The following ABCD2 variants were observed in gnomAD, a reference collection of about 807,000 sequenced individuals.
The protein encoded by ABCD2 is ATP-binding cassette sub-family D member 2.
Under a neutral mutation model 70.9 loss-of-function variants are expected in ABCD2, and 36 were observed. That is an observed-to-expected ratio of 0.51 (90% CI 0.39 to 0.67). The LOEUF (loss-of-function observed/expected upper bound fraction) is 0.67. Ranked by LOEUF, ABCD2 falls within the 30% of genes least tolerant of loss-of-function variation. ABCD2 has a pLI of 0.00. For synonymous variants in ABCD2, 304 were observed against 306.9 expected (o/e 0.99, Z 0.10); for missense variants, 729 against 890.2 (o/e 0.82, Z 2.30).
rs1351514789 is a variant in ABCD2, at chr12:39,552,122, A to G, written c.*1790T>C. On this transcript the variant is annotated 3_prime_UTR_variant, in exon 10 of 10. Transcript: ENST00000308666. ...TTAGTAACTGATGAATAAGTAGGTG[A>G]TAATACTAATGAAAACGTTGGACAA... The G allele has an allele frequency of 1.3e-5, 2 of 151,972 alleles. No individual in the cohort carries two copies. Among genetic ancestry groups the G allele is most frequent in the African/African-American group, 4.8e-5 (2 of 41,434 alleles). The allele number at this position is 151,972 out of a possible 1,614,324, so 9.4% of individuals were successfully genotyped here. A position where few individuals can be genotyped will look rare whatever the true frequency, so the allele number is the denominator to read the frequency against.
intron 6 of ABCD2, among the ~76,000 whole-genome samples, chr12:39,595,034 C>T (rs1371411214): frequency 6.6e-6 from 1 of 151,354 alleles, no homozygotes; most frequent in Non-Finnish European, 1.5e-5. Flanking sequence ...CCACTGCACT[C>T]CAGCCTGGGT....
At chr12:39,557,338 T>G (rs182224047) in intron 9 of ABCD2, among the ~76,000 whole-genome samples, 22 of 152,284 alleles carry the variant, frequency 1.4e-4, no homozygotes, top group Non-Finnish European at 2.2e-4. Flanking sequence ...GCAAAGCATT[T>G]AAGATGTAAT....
intron 9 of ABCD2, among the ~76,000 whole-genome samples, chr12:39,557,108 G>T (rs991496282): frequency 9.9e-5 from 15 of 152,160 alleles, no homozygotes; most frequent in Middle Eastern, 3.2e-3. Flanking sequence ...ATTTCCTAGG[G>T]ACTTATTGAA....
At chr12:39,612,790 CA>C (rs1942062463) in intron 2 of ABCD2, among the ~76,000 whole-genome samples, 1 of 152,276 alleles carries the variant, frequency 6.6e-6, no homozygotes, top group Admixed American at 6.5e-5. Context: ...GACAATAATG[CA>C]GCAGAAACTG....
At chr12:39,549,329 A>G (rs1941057330), downstream of ABCD2, among the ~76,000 whole-genome samples, 1 of 151,986 alleles carries the variant, frequency 6.6e-6, no homozygotes, top group Non-Finnish European at 1.5e-5. Context: ...AGAAGATACT[A>G]CAAAACAAGT....
chr12:39,586,091 T>C, intron 7 of ABCD2, 61 bp downstream of exon 7: 1 of 1,461,982 alleles, frequency 6.8e-7, no homozygotes, highest in East Asian at 2.3e-5. Flanking sequence ...ACTAAATATA[T>C]ACCCAAGCTT....
intron 7 of ABCD2, among the ~76,000 whole-genome samples, chr12:39,585,859 C>A (rs577503252): frequency 3.5e-4 from 53 of 152,224 alleles, no homozygotes; most frequent in Middle Eastern, 3.4e-3. Context: ...TACATCTAGA[C>A]TGACAATGGC....
intron 9 of ABCD2, among the ~76,000 whole-genome samples, chr12:39,564,367 C>A (rs147611529): frequency 6.6e-6 from 1 of 152,290 alleles, no homozygotes; most frequent in African/African-American, 2.4e-5. Context: ...ATTTGCATTG[C>A]TCTGATGGCC....
intron 9 of ABCD2, among the ~76,000 whole-genome samples, chr12:39,561,121 T>A (rs1276322943): frequency 6.6e-6 from 1 of 151,972 alleles, no homozygotes; most frequent in Non-Finnish European, 1.5e-5. Context: ...CTGGGCCAGG[T>A]GCAGTGGCTC....
At chr12:39,560,166 C>A (rs1941233893) in intron 9 of ABCD2, among the ~76,000 whole-genome samples, 1 of 152,104 alleles carries the variant, frequency 6.6e-6, no homozygotes, top group Non-Finnish European at 1.5e-5. Context: ...CCTGCTGCCC[C>A]CACCCCACAA....
chr12:39,536,433 T>C, the ABCD2 span, among the ~76,000 whole-genome samples: 2 of 152,256 alleles, frequency 1.3e-5, no homozygotes, highest in African/African-American at 4.8e-5. Context: ...ATTCTCATGC[T>C]TAAGTTATAT....
intron 6 of ABCD2, among the ~76,000 whole-genome samples, 183 bp from the exon 7 acceptor site, chr12:39,586,480 A>G (rs921931394): frequency 6.6e-6 from 1 of 152,238 alleles, no homozygotes; most frequent in African/African-American, 2.4e-5. Context: ...TTATGTTTAC[A>G]TAAAAACTTA....
the ABCD2 span, among the ~76,000 whole-genome samples, chr12:39,533,652 G>A: frequency 3.9e-5 from 6 of 151,938 alleles, no homozygotes; most frequent in Admixed American, 6.6e-5. Context: ...CTGTGTTAGG[G>A]GTATATTCAA....
At position 39,586,223 on chromosome 12, in the gene ABCD2, C is replaced by T. The variant is rs751429438; in HGVS notation, c.1721G>A (p.Gly574Asp). The T allele has an allele frequency of 6.2e-7, 1 of 1,613,588 alleles. No homozygotes were observed. Among genetic ancestry groups the T allele is most frequent in the South Asian group, 1.1e-5 (1 of 91,004 alleles). The change falls in exon 7 of 10, where the codon GGT (glycine) becomes GAT (aspartate). Residue 574 changes from glycine (G) to aspartate (D), a missense_variant. Physicochemically the swap from Gly to Asp is moderately conservative, Grantham distance 94. Coordinates refer to ENST00000308666, the MANE Select transcript of ABCD2 (RefSeq NM_005164.4). ...ACGTTCCAGATCTTGGTCTGTATAA[C>T]CTTTATCATGCATATCATCCACTGA... is the stretch of plus-strand genomic sequence containing the variant. ...PDSVDDMHDK[G>D]YTDQDLERIL...
In ABCD2 at chr12:39,550,503, T is replaced by C. The variant is rs1303709052; in HGVS notation, c.*3409A>G. On this transcript the variant is annotated 3_prime_UTR_variant, in exon 10 of 10. Transcript: ENST00000308666. Reference sequence around the variant, plus strand: ...ATAAATAGACCATTGGTTTTGAAAATTTCACAATATGAAATGTAAACCAGC... The same window carrying C: ...ATAAATAGACCATTGGTTTTGAAAACTTCACAATATGAAATGTAAACCAGC... The C allele has an allele frequency of 6.6e-6, 1 of 151,792 alleles. No individual in the cohort carries two copies. Among genetic ancestry groups the C allele is most frequent in the Non-Finnish European group, 1.5e-5 (1 of 67,710 alleles). 9.4% of individuals were successfully genotyped at this position (151,792 alleles called of 1,614,324 possible).
At chr12:39,542,608 A>T in the ABCD2 span, among the ~76,000 whole-genome samples, 25 of 152,184 alleles carry the variant, frequency 1.6e-4, no homozygotes, top group African/African-American at 6.0e-4. Context: ...AAGAGGACTT[A>T]TTCAAGGGCT....
chr12:39,558,069 A>G (rs371103167), intron 9 of ABCD2, among the ~76,000 whole-genome samples: 4 of 152,368 alleles, frequency 2.6e-5, no homozygotes, highest in South Asian at 4.1e-4. Flanking sequence ...ATGCCAGCCC[A>G]TGAAAGCAGC....
the ABCD2 span, among the ~76,000 whole-genome samples, chr12:39,535,912 G>T: frequency 2.6e-5 from 4 of 152,294 alleles, no homozygotes; most frequent in Admixed American, 2.0e-4. Flanking sequence ...GGAGGCGGAG[G>T]CAGGCAGATC....
At chr12:39,547,099 C>G (rs1419367644), downstream of ABCD2, among the ~76,000 whole-genome samples, 2 of 151,956 alleles carry the variant, frequency 1.3e-5, no homozygotes, top group Non-Finnish European at 2.9e-5. Flanking sequence ...TGCTCAATAT[C>G]ACTAATCATG....
Sources: gnomAD v4.1 joint callset for allele counts (sites outside exome capture counted in the v4.1 genomes callset) on GRCh38, gnomAD v4.1.1 for gene constraint, MANE v1.5 for transcripts, NCBI Gene and HGNC (gene_info 2026-07-23, HGNC 2026-07-21) for gene names.